The following FHIT variants were observed in gnomAD, a reference collection of about 807,000 sequenced individuals.
FHIT encodes bis(5'-adenosyl)-triphosphatase.
In FHIT, 19 loss-of-function variants were observed where a neutral mutation model predicts 17.9. That is an observed-to-expected ratio of 1.06 (90% CI 0.74 to 1.56). The LOEUF is 1.56. Ranked by LOEUF, FHIT falls within the 40% of genes most tolerant of loss-of-function variation. The pLI is 0.00. For synonymous variants in FHIT, 81 were observed against 69.7 expected, an observed-to-expected ratio of 1.16 and a Z score of -0.81; for missense variants, 248 against 189.2, an observed-to-expected ratio of 1.31 and a Z score of -1.82.
At chr3:61,119,079 C>T (rs1033511262) in intron 2 of FHIT, among the ~76,000 whole-genome samples, 2 of 152,132 alleles carry the variant, frequency 1.3e-5, no homozygotes, top group African/African-American at 4.8e-5. Context: ...AAGCATACAC[C>T]TGTTTTTATA....
At chr3:60,442,767 G>T (rs1190767443) in intron 5 of FHIT, among the ~76,000 whole-genome samples, 1 of 152,060 alleles carries the variant, frequency 6.6e-6, no homozygotes, top group Non-Finnish European at 1.5e-5. Context: ...CTCTTTTTTG[G>T]TCCCATAAGA....
At chr3:60,557,332 C>CT (rs1298927443) in intron 4 of FHIT, among the ~76,000 whole-genome samples, 1 of 151,936 alleles carries the variant, frequency 6.6e-6, no homozygotes, top group Non-Finnish European at 1.5e-5. Context: ...ATGTGCTGTA[C>CT]TTTTTTCATG....
At chr3:60,542,751 T>G (rs1477782579) in intron 4 of FHIT, among the ~76,000 whole-genome samples, 1 of 152,220 alleles carries the variant, frequency 6.6e-6, no homozygotes, top group East Asian at 1.9e-4. Flanking sequence ...ATCATTCATT[T>G]TGATGTATTC....
At chr3:59,955,766 G>A (rs1707362017) in intron 7 of FHIT, among the ~76,000 whole-genome samples, 1 of 152,128 alleles carries the variant, frequency 6.6e-6, no homozygotes, top group Non-Finnish European at 1.5e-5. Context: ...TCTGCCATCA[G>A]GTCCTAAATT....
intron 5 of FHIT, among the ~76,000 whole-genome samples, chr3:60,282,200 T>C (rs11130763): frequency 0.26 from 39,335 of 152,100 alleles, 5,790 homozygotes; most frequent in East Asian, 0.69. Context: ...CACACAAAAG[T>C]CTGCTTAGGG....
At chr3:60,232,975 A>C (rs564203053) in intron 5 of FHIT, among the ~76,000 whole-genome samples, 1 of 152,246 alleles carries the variant, frequency 6.6e-6, no homozygotes, top group South Asian at 2.1e-4. Flanking sequence ...TGTTCTAGAG[A>C]TCTATGGTGA....
intron 1 of FHIT, among the ~76,000 whole-genome samples, chr3:61,239,979 A>G (rs925811128): frequency 6.6e-6 from 1 of 151,974 alleles, no homozygotes; most frequent in Non-Finnish European, 1.5e-5. Context: ...GCAGTCCTCA[A>G]CCCACAGGAG....
intron 1 of FHIT, among the ~76,000 whole-genome samples, chr3:61,250,411 G>C (rs1315874051): frequency 6.6e-6 from 1 of 152,146 alleles, no homozygotes; most frequent in East Asian, 1.9e-4. Flanking sequence ...ACATTTCTGA[G>C]AGACCAGAAT....
intron 1 of FHIT, among the ~76,000 whole-genome samples, chr3:61,239,459 C>T (rs1172483177): frequency 6.6e-6 from 1 of 152,118 alleles, no homozygotes; most frequent in Non-Finnish European, 1.5e-5. Flanking sequence ...ATATGGCCAG[C>T]TCCCTCTCAT....
In FHIT at chr3:60,132,995, A is replaced by G. The variant is rs563898448; in HGVS notation, c.104-118843T>C. ...TAAAAGCGTTAATATACAAACATCTACCCAATACAGATTTAAATATAGCAG... is the reference window on the plus strand; with the variant it reads ...TAAAAGCGTTAATATACAAACATCTGCCCAATACAGATTTAAATATAGCAG... On this transcript the variant is annotated intron_variant, in intron 5 of 9. Coordinates refer to ENST00000492590, the MANE Select transcript of FHIT (RefSeq NM_002012.4). 9.1e-4 allele frequency among the ~76,000 whole-genome samples: 138 copies of G among 152,230 alleles called. 1 individual carries two copies. Among genetic ancestry groups the G allele is most frequent in the Admixed American group, 8.1e-3 (123 of 15,268 alleles).
intron 2 of FHIT, among the ~76,000 whole-genome samples, chr3:61,077,454 A>G (rs1184098991): frequency 2.0e-5 from 3 of 151,992 alleles, no homozygotes; most frequent in Admixed American, 2.0e-4. Context: ...CCTTCAAGTC[A>G]ATTATTAAAA....
intron 2 of FHIT, among the ~76,000 whole-genome samples, chr3:61,104,569 A>G (rs113909178): frequency 0.079 from 12,007 of 152,160 alleles, 579 homozygotes; most frequent in Middle Eastern, 0.17. Context: ...CTTGTGAAGT[A>G]TCTTACTGGG....
chr3:59,826,227 C>G (rs1019832138), intron 8 of FHIT, among the ~76,000 whole-genome samples: 1 of 152,152 alleles, frequency 6.6e-6, no homozygotes, highest in Non-Finnish European at 1.5e-5. Context: ...AGGTGATTCT[C>G]CCACCTCAGC....
intron 4 of FHIT, among the ~76,000 whole-genome samples, chr3:60,714,618 C>G (rs2041632032): frequency 6.6e-6 from 1 of 152,272 alleles, no homozygotes; most frequent in South Asian, 2.1e-4. Flanking sequence ...ACAAAAATCA[C>G]AAGCATTCTT....
At chr3:60,199,325 T>C (rs1576296333) in intron 5 of FHIT, among the ~76,000 whole-genome samples, 2 of 152,284 alleles carry the variant, frequency 1.3e-5, no homozygotes, top group African/African-American at 2.4e-5. Flanking sequence ...TCATCTATTA[T>C]ATAAAATTTT....
At chr3:60,764,768 A>C (rs1699791657) in intron 4 of FHIT, among the ~76,000 whole-genome samples, 1 of 150,676 alleles carries the variant, frequency 6.6e-6, no homozygotes, top group African/African-American at 2.4e-5. Context: ...AATTACATAT[A>C]ATTAATATAT....
chr3:61,151,869 C>T (rs985986022), intron 2 of FHIT, among the ~76,000 whole-genome samples: 13 of 152,232 alleles, frequency 8.5e-5, no homozygotes, highest in Admixed American at 3.3e-4. Flanking sequence ...AGGCATAAAC[C>T]ACCACTCTCG....
intron 5 of FHIT, among the ~76,000 whole-genome samples, chr3:60,383,273 G>T (rs1700879933): frequency 6.6e-6 from 1 of 152,002 alleles, no homozygotes; most frequent in Non-Finnish European, 1.5e-5. Context: ...ATTTTATAAT[G>T]GCCTTAATAA....
chr3:59,879,130 C>T (rs903707800), intron 8 of FHIT, among the ~76,000 whole-genome samples: 1 of 152,174 alleles, frequency 6.6e-6, no homozygotes, highest in African/African-American at 2.4e-5. Flanking sequence ...TATTTCACTT[C>T]TCCCAGAGAT....
Sources: gnomAD v4.1 joint callset for allele counts (sites outside exome capture counted in the v4.1 genomes callset) on GRCh38, gnomAD v4.1.1 for gene constraint, MANE v1.5 for transcripts, NCBI Gene and HGNC (gene_info 2026-07-23, HGNC 2026-07-21) for gene names.